RAPGEF4: variants seen among roughly 807,000 people sequenced by gnomAD.
The protein encoded by RAPGEF4 is Rap guanine nucleotide exchange factor 4.
RAPGEF4 carries 66 observed loss-of-function variants against 147.9 expected under a neutral mutation model. The ratio of observed to expected loss-of-function variants is 0.45; its 90% CI spans 0.37 to 0.55. The LOEUF (loss-of-function observed/expected upper bound fraction) is 0.55. Ranked by LOEUF, RAPGEF4 falls within the 20% of genes least tolerant of loss-of-function variation. The pLI, the probability that RAPGEF4 is intolerant of heterozygous loss-of-function variation, is 0.00. For missense variants in RAPGEF4, 1,071 were observed against 1,257.3 expected, an observed-to-expected ratio of 0.85 and a Z score of 2.24; for synonymous variants, 419 against 442.7, an observed-to-expected ratio of 0.95 and a Z score of 0.67.
intron 30 of RAPGEF4, 145 bp from the exon 31 acceptor site, chr2:173,051,495 A>C: frequency 1.4e-6 from 1 of 721,898 alleles, no homozygotes; most frequent in Non-Finnish European, 2.0e-6. Flanking sequence ...ACCAAGTGGA[A>C]ACGTTTCAAT....
At chr2:172,821,112 C>G (rs1244045764) in intron 4 of RAPGEF4, among the ~76,000 whole-genome samples, 2 of 152,186 alleles carry the variant, frequency 1.3e-5, no homozygotes, top group African/African-American at 2.4e-5. Context: ...AAGCCAAATA[C>G]TTAAAAATTA....
chr2:172,770,824 G>A (rs1288117791), intron 1 of RAPGEF4, among the ~76,000 whole-genome samples: 1 of 152,204 alleles, frequency 6.6e-6, no homozygotes, highest in African/African-American at 2.4e-5. Context: ...GTATACCTAA[G>A]GGACTGATTC....
intron 4 of RAPGEF4, among the ~76,000 whole-genome samples, chr2:172,876,350 GT>G (rs1695917455): frequency 6.6e-6 from 1 of 152,074 alleles, no homozygotes; most frequent in Admixed American, 6.6e-5. Context: ...AATGCTTCCA[GT>G]TTTTGCCCAT....
At chr2:172,756,604 G>A (rs200068990) in intron 1 of RAPGEF4, among the ~76,000 whole-genome samples, 1 of 152,178 alleles carries the variant, frequency 6.6e-6, no homozygotes, top group Non-Finnish European at 1.5e-5. Context: ...TACTTCTCTT[G>A]TAGGCTAATC....
At chr2:172,771,575 A>C (rs933666941) in intron 1 of RAPGEF4, among the ~76,000 whole-genome samples, 3 of 152,026 alleles carry the variant, frequency 2.0e-5, no homozygotes, top group African/African-American at 4.8e-5. Flanking sequence ...AGGAAAAGAC[A>C]AACTCTCGTA....
Position 172,967,384 on chromosome 2 carries a change from C to G in RAPGEF4, c.944C>G (p.Thr315Ser). ...GAGTGTGATGAGGAGCTCCAGGACACCATGCTGCTGCTGTCACAGATGGGC... is the reference window on the plus strand; with the variant it reads ...GAGTGTGATGAGGAGCTCCAGGACAGCATGCTGCTGCTGTCACAGATGGGC... ...KKECDEELQD[T>S]MLLLSQMGPD... Residue 315 changes from threonine (T) to serine (S), a missense_variant, in exon 10 of 31, where the codon ACC (threonine) becomes AGC (serine). Transcript: ENST00000397081. The G allele has an allele frequency of 6.2e-7, 1 of 1,612,014 alleles. No individual in the cohort carries two copies. Among genetic ancestry groups the G allele is most frequent in the Non-Finnish European group, 8.5e-7 (1 of 1,179,822 alleles).
chr2:172,941,387 A>G (rs892718452), intron 6 of RAPGEF4, among the ~76,000 whole-genome samples: 1 of 152,092 alleles, frequency 6.6e-6, no homozygotes. Context: ...TATTTTAACC[A>G]TTTGTATAAT....
At chr2:172,887,483 A>G (rs913554448) in intron 4 of RAPGEF4, among the ~76,000 whole-genome samples, 8 of 152,244 alleles carry the variant, frequency 5.3e-5, no homozygotes, top group African/African-American at 2.4e-5. Context: ...TTGTGAAACT[A>G]TGGCCTGTGG....
chr2:173,019,531 A>G (rs1184217074), intron 22 of RAPGEF4, among the ~76,000 whole-genome samples: 1 of 152,226 alleles, frequency 6.6e-6, no homozygotes, highest in Non-Finnish European at 1.5e-5. Context: ...TAGAGGAAGC[A>G]ACAGTGAGGT....
At chr2:172,874,891 C>T (rs1695700477) in intron 4 of RAPGEF4, among the ~76,000 whole-genome samples, 1 of 152,212 alleles carries the variant, frequency 6.6e-6, no homozygotes, top group African/African-American at 2.4e-5. Context: ...TATTTCTCCA[C>T]ATCCTCTCCA....
At chr2:172,925,833 A>AGAAG (rs143264329) in intron 6 of RAPGEF4, among the ~76,000 whole-genome samples, 4 of 148,984 alleles carry the variant, frequency 2.7e-5, no homozygotes, top group African/African-American at 9.8e-5. Flanking sequence ...AAGAAAGGAA[A>AGAAG]GAAGGAAGGA....
At position 173,018,579 on chromosome 2, in the gene RAPGEF4, C is replaced by T. The variant is rs555523043; in HGVS notation, c.2009-77C>T. ...AAATGATGCAAATTGGAGAGGATGC[C>T]TAAACATTTTTCATAACTATAGTTT... On this transcript the variant is annotated intron_variant, in intron 21 of 30. Coordinates refer to ENST00000397081, the MANE Select transcript of RAPGEF4 (RefSeq NM_007023.4). 1.5e-4 allele frequency: 215 copies of T among 1,477,534 alleles called. No individual in the cohort carries two copies. In the Middle Eastern group the frequency reaches 2.3e-3, roughly 16 times the overall value. The allele number at this position is 1,477,534 out of a possible 1,614,324, so 91.5% of individuals were successfully genotyped here. A position where few individuals can be genotyped will look rare whatever the true frequency, so the allele number is the denominator to read the frequency against.
In RAPGEF4 at chr2:172,994,879, TCTCTC is replaced by T. The variant is rs146502729; in HGVS notation, c.1491-1583_1491-1579del. Among the ~76,000 whole-genome samples, 923 of 152,178 alleles carry T rather than the reference TCTCTC, an allele frequency of 6.1e-3. 15 individuals carry two copies. Among genetic ancestry groups the T allele is most frequent in the African/African-American group, 0.021 (875 of 41,512 alleles). On this transcript the variant is annotated intron_variant, in intron 15 of 30. Coordinates refer to ENST00000397081, the MANE Select transcript of RAPGEF4 (RefSeq NM_007023.4). ...GACTATTTTTTTTTTCTATTCCCCT[TCTCTC>T]CTCCTCTAGGCTCCAAAGCCAGGTT...
At chr2:172,868,369 C>A (rs910800581) in intron 4 of RAPGEF4, among the ~76,000 whole-genome samples, 1 of 152,144 alleles carries the variant, frequency 6.6e-6, no homozygotes, top group African/African-American at 2.4e-5. Context: ...AAGTATGAGT[C>A]CTGTATTTCA....
chr2:172,739,667 G>A (rs1219389934), intron 1 of RAPGEF4, among the ~76,000 whole-genome samples: 2 of 152,072 alleles, frequency 1.3e-5, no homozygotes, highest in African/African-American at 4.8e-5. Context: ...CACCACACCC[G>A]GCCCATTGTT....
intron 4 of RAPGEF4, among the ~76,000 whole-genome samples, chr2:172,904,764 C>T (rs1204532705): frequency 6.6e-6 from 1 of 151,954 alleles, no homozygotes; most frequent in African/African-American, 2.4e-5. Flanking sequence ...TTCCCCATTT[C>T]CAGCCCCCTT....
At chr2:172,744,445 T>C (rs13005651) in intron 1 of RAPGEF4, 1 of 456,218 alleles carries the variant, frequency 2.2e-6, no homozygotes, top group East Asian at 7.0e-5. Flanking sequence ...AATGCAAACG[T>C]TGCGTGGTCA....
rs551284643 is a variant in RAPGEF4 at position 173,014,328 on chromosome 2, A to G, written c.1659-136A>G. On this transcript the variant is annotated intron_variant, in intron 17 of 30. Coordinates refer to ENST00000397081, the MANE Select transcript of RAPGEF4 (RefSeq NM_007023.4). ...ACAGACACTTTCTGTGGGGTTTTTC[A>G]TGAGGGCCTAGGGGAGGAATTCTAT... is the stretch of plus-strand genomic sequence containing the variant. 4 of 1,074,696 alleles carry G rather than the reference A, an allele frequency of 3.7e-6. No individual in the cohort carries two copies. The South Asian group carries it at 4.4e-5, about 12-fold the overall frequency. The allele number at this position is 1,074,696 out of a possible 1,614,324, so 66.6% of individuals were successfully genotyped here.
chr2:173,009,246 C>G (rs1321930565), intron 17 of RAPGEF4, among the ~76,000 whole-genome samples: 1 of 152,178 alleles, frequency 6.6e-6, no homozygotes, highest in Non-Finnish European at 1.5e-5. Flanking sequence ...ATTAAAGGCT[C>G]TTAAATAGCT....
Sources: gnomAD v4.1 joint callset for allele counts (sites outside exome capture counted in the v4.1 genomes callset) on GRCh38, gnomAD v4.1.1 for gene constraint, MANE v1.5 for transcripts, NCBI Gene and HGNC (gene_info 2026-07-23, HGNC 2026-07-21) for gene names.